Variants in FAM234B observed in about 807,000 individuals in gnomAD.
The protein encoded by FAM234B is family with sequence similarity 234 member B, also known as protein FAM234B.
Under a neutral mutation model 69.3 loss-of-function variants are expected in FAM234B, and 33 were observed. The observed-to-expected ratio is 0.48, with a 90% CI of 0.36 to 0.64. The LOEUF (loss-of-function observed/expected upper bound fraction) is 0.64, where lower values mean the gene tolerates loss of function less well. FAM234B is among the 30% of genes least tolerant of loss of function. FAM234B has a pLI of 0.00. For missense variants in FAM234B, 697 were observed against 769.7 expected (o/e 0.91, Z 1.12); for synonymous variants, 306 against 306.9 (o/e 1.00, Z 0.03).
chr12:13,063,183 G>T (rs1438397102), intron 5 of FAM234B, among the ~76,000 whole-genome samples: 6 of 152,104 alleles, frequency 3.9e-5, no homozygotes, highest in African/African-American at 7.2e-5. Context: ...CATGGACTGG[G>T]GTGTAGTGGA....
chr12:13,055,677 G>A lies in FAM234B; in HGVS notation c.164G>A (p.Gly55Glu). The A allele has an allele frequency of 6.2e-7, 1 of 1,614,246 alleles. No homozygotes were observed. Among genetic ancestry groups the A allele is most frequent in the Non-Finnish European group, 8.5e-7 (1 of 1,180,054 alleles). Residue 55 changes from glycine (G) to glutamate (E), a missense_variant, in exon 2 of 13, where the codon GGA becomes GAA. This residue lies in a region of FAM234B where 380 missense variants were observed against 447.1 expected (regional missense o/e 0.85). Coordinates refer to ENST00000197268, the MANE Select transcript of FAM234B (RefSeq NM_020853.2). ...GTCAAAAATGGGAAGAGTCCTTTGG[G>A]AGAAGCGCCAGAACCCGACTCAGAT... is the stretch of plus-strand genomic sequence containing the variant. ...GGVKNGKSPL[G>E]EAPEPDSDAE...
chr12:13,049,997 C>T (rs1331584606), intron 1 of FAM234B, among the ~76,000 whole-genome samples: 2 of 152,160 alleles, frequency 1.3e-5, no homozygotes, highest in African/African-American at 4.8e-5. Context: ...TAATCCAGGC[C>T]TGTTAAGTCA....
chr12:13,058,364 G>C, intron 2 of FAM234B, 87 bp from the exon 3 acceptor site: 1 of 1,004,938 alleles, frequency 1.0e-6, no homozygotes, highest in African/African-American at 1.6e-5. Context: ...ACTGGAGTCT[G>C]CCTGGTGTTT....
At chr12:13,068,869 C>T (rs1410341452) in intron 9 of FAM234B, among the ~76,000 whole-genome samples, 158 bp downstream of exon 9, 1 of 152,180 alleles carries the variant, frequency 6.6e-6, no homozygotes, top group African/African-American at 2.4e-5. Context: ...TGAAAACTCA[C>T]AATTCATTGC....
Position 13,080,875 on chromosome 12 carries a change from C to T in FAM234B, c.*245C>T, listed in dbSNP as rs528436946. ...TCCCCTCTAGGAACTCTGCGTGGATCGTTTGGAAATGTGAATCTCTTAAGT... is the reference window on the plus strand; with the variant it reads ...TCCCCTCTAGGAACTCTGCGTGGATTGTTTGGAAATGTGAATCTCTTAAGT... On this transcript the variant is annotated 3_prime_UTR_variant, in exon 13 of 13. Transcript: ENST00000197268. The T allele has an allele frequency of 4.8e-6, 2 of 417,870 alleles. No individual in the cohort carries two copies. The highest frequency in any genetic ancestry group is 7.7e-5 in the South Asian group (1 of 13,060). The allele number at this position is 417,870 out of a possible 1,614,324, so 25.9% of individuals were successfully genotyped here.
intron 11 of FAM234B, among the ~76,000 whole-genome samples, chr12:13,079,007 A>T (rs1040057927): frequency 2.0e-5 from 3 of 151,326 alleles, no homozygotes; most frequent in South Asian, 2.1e-4. Context: ...TCAAGCTACC[A>T]ATGACTTTCT....
chr12:13,062,870 A>T lies in FAM234B; in HGVS notation c.747A>T (p.Pro249=), dbSNP rs771734888. 6.2e-7 allele frequency: 1 copy of T among 1,614,044 alleles called. No individual in the cohort carries two copies. The highest frequency in any genetic ancestry group is 8.5e-7 in the Non-Finnish European group (1 of 1,179,928). ...TSGKAIWTLN[P]NYLSNGTLAA... Reference sequence around the variant, plus strand: ...GGAAAGCCATTTGGACTTTAAACCCAAACTACTTGTCCAACGGTACCTTGG... The same window carrying T: ...GGAAAGCCATTTGGACTTTAAACCCTAACTACTTGTCCAACGGTACCTTGG... The change falls in exon 5 of 13, where the codon CCA becomes CCT. Residue 249 remains proline, a synonymous_variant. Transcript: ENST00000197268.
At position 13,080,610 on chromosome 12, in the gene FAM234B, A is replaced by T; in HGVS notation, c.1864-15A>T. On this transcript the variant is annotated splice_polypyrimidine_tract_variant and intron_variant, in intron 12 of 12. Transcript: ENST00000197268. ...CATGAAAAACAATAAAGTCACGATA[A>T]CTCTTTTTCCATAGATCTAATCTGA... The T allele has an allele frequency of 6.2e-7, 1 of 1,602,562 alleles. No homozygotes were observed. Among genetic ancestry groups the T allele is most frequent in the Non-Finnish European group, 8.5e-7 (1 of 1,169,908 alleles).
At chr12:13,045,751 C>CT (rs1864803071) in intron 1 of FAM234B, among the ~76,000 whole-genome samples, 1 of 151,964 alleles carries the variant, frequency 6.6e-6, no homozygotes, top group Admixed American at 6.6e-5. Context: ...TAATTTTTTA[C>CT]TTTTTTACTT....
intron 9 of FAM234B, among the ~76,000 whole-genome samples, chr12:13,069,462 C>T (rs553711765): frequency 8.5e-5 from 13 of 152,250 alleles, no homozygotes; most frequent in African/African-American, 3.1e-4. Context: ...CTAATGCGTG[C>T]CAACTTCTAT....
chr12:13,076,982 C>T (rs1172504284), intron 11 of FAM234B, among the ~76,000 whole-genome samples: 1 of 152,156 alleles, frequency 6.6e-6, no homozygotes, highest in African/African-American at 2.4e-5. Flanking sequence ...ACTTGGCTGT[C>T]TACTTACAAA....
chr12:13,045,743 A>AT (rs1213206479), intron 1 of FAM234B, among the ~76,000 whole-genome samples: 8 of 152,052 alleles, frequency 5.3e-5, no homozygotes, highest in South Asian at 2.1e-4. Context: ...TGCAGGATTA[A>AT]TTTTTTACTT....
chr12:13,072,779 G>A (rs1340698472), intron 10 of FAM234B, among the ~76,000 whole-genome samples: 1 of 150,920 alleles, frequency 6.6e-6, no homozygotes, highest in African/African-American at 2.4e-5. Context: ...GCTCCATCAA[G>A]TTCAAGACAC....
intron 1 of FAM234B, among the ~76,000 whole-genome samples, chr12:13,052,458 A>G (rs1483720075): frequency 6.6e-6 from 1 of 152,084 alleles, no homozygotes; most frequent in Non-Finnish European, 1.5e-5. Context: ...TTAAATTGTC[A>G]AAAAATACAT....
At chr12:13,063,123 G>T (rs1865001681) in intron 5 of FAM234B, 148 bp downstream of exon 5, 5 of 960,706 alleles carry the variant, frequency 5.2e-6, no homozygotes, top group Non-Finnish European at 7.8e-6. Flanking sequence ...GTGAGGTTAA[G>T]TGAATACTTG....
chr12:13,080,911 T>C lies in FAM234B; in HGVS notation c.*281T>C. 2.7e-6 allele frequency: 1 copy of C among 366,298 alleles called. No homozygotes were observed. The highest frequency in any genetic ancestry group is 4.9e-6 in the Non-Finnish European group (1 of 205,888). The allele number at this position is 366,298 out of a possible 1,614,324, so 22.7% of individuals were successfully genotyped here. Reference sequence around the variant, plus strand: ...GTGAATCTCTTAAGTATTTAATTTTTTTGGTATGTCTAATTTATGAAGTCT... The same window carrying C: ...GTGAATCTCTTAAGTATTTAATTTTCTTGGTATGTCTAATTTATGAAGTCT... On this transcript the variant is annotated 3_prime_UTR_variant, in exon 13 of 13. Transcript: ENST00000197268.
chr12:13,070,084 C>T (rs988931015), intron 9 of FAM234B, among the ~76,000 whole-genome samples: 2 of 150,410 alleles, frequency 1.3e-5, no homozygotes, highest in African/African-American at 4.9e-5. Context: ...GCAGTTTCTG[C>T]ATTTATAAAA....
intron 10 of FAM234B, among the ~76,000 whole-genome samples, chr12:13,075,441 T>TTTA (rs1865148592): frequency 6.7e-6 from 1 of 148,680 alleles, no homozygotes; most frequent in Middle Eastern, 3.4e-3. Flanking sequence ...TTCTTTTTTT[T>TTTA]TTTTTTTATT....
chr12:13,049,473 C>T (rs543276181), intron 1 of FAM234B, among the ~76,000 whole-genome samples: 1 of 152,310 alleles, frequency 6.6e-6, no homozygotes, highest in African/African-American at 2.4e-5. Flanking sequence ...AGCCAGCACC[C>T]CTGGTCTGAG....
Sources: gnomAD v4.1 joint callset for allele counts (sites outside exome capture counted in the v4.1 genomes callset) on GRCh38, gnomAD v4.1.1 for gene constraint, gnomAD v4.1.1 regional missense constraint, MANE v1.5 for transcripts, NCBI Gene and HGNC (gene_info 2026-07-23, HGNC 2026-07-21) for gene names.